The following MSRA variants were observed in gnomAD, a reference collection of about 807,000 sequenced individuals.
MSRA encodes the protein methionine sulfoxide reductase A, also known as mitochondrial peptide methionine sulfoxide reductase.
A neutral mutation model predicts 31.3 loss-of-function variants in MSRA; 54 were observed. The observed-to-expected ratio is 1.73, with a 90% confidence interval of 1.39 to 2.17. The LOEUF (loss-of-function observed/expected upper bound fraction) is 2.17. MSRA is among the 30% of genes most tolerant of loss of function. The probability of loss-of-function intolerance (pLI) is 0.00; values close to 1 mark genes in which losing one functional copy is unlikely to be tolerated. For synonymous variants in MSRA, 169 were observed against 116.5 expected (o/e 1.45, Z -2.90); for missense variants, 507 against 300.9 (o/e 1.69, Z -5.07).
chr8:10,380,789 G>C (rs1258404134), intron 5 of MSRA, among the ~76,000 whole-genome samples: 1 of 151,994 alleles, frequency 6.6e-6, no homozygotes, highest in Admixed American at 6.6e-5. Flanking sequence ...TGGATGAACA[G>C]ACAGATGGGT....
At chr8:10,102,264 G>T (rs946494228) in intron 1 of MSRA, among the ~76,000 whole-genome samples, 1 of 152,126 alleles carries the variant, frequency 6.6e-6, no homozygotes, top group African/African-American at 2.4e-5. Flanking sequence ...AAGACTTGGA[G>T]GATGTGAATA....
At chr8:10,256,528 A>C (rs1056055183) in intron 3 of MSRA, among the ~76,000 whole-genome samples, 1 of 152,314 alleles carries the variant, frequency 6.6e-6, no homozygotes, top group East Asian at 1.9e-4. Context: ...TCTACCAGAG[A>C]GGATTTCTGC....
chr8:10,388,850 C>T (rs1406383505), intron 5 of MSRA, among the ~76,000 whole-genome samples: 4 of 151,622 alleles, frequency 2.6e-5, no homozygotes. Context: ...TAGCTTGCTG[C>T]TTCCCCTGCG....
chr8:10,362,836 C>T (rs1804932733), intron 5 of MSRA, among the ~76,000 whole-genome samples: 1 of 152,188 alleles, frequency 6.6e-6, no homozygotes, highest in Admixed American at 6.5e-5. Flanking sequence ...CCACCGGGAG[C>T]TGCCCCTGAC....
chr8:10,251,864 G>GGT (rs1797934695), intron 3 of MSRA, among the ~76,000 whole-genome samples: 1 of 150,102 alleles, frequency 6.7e-6, no homozygotes, highest in African/African-American at 2.5e-5. Context: ...GACATGGTGG[G>GGT]GGGGGGGGGA....
At chr8:10,176,790 C>A (rs1356355919) in intron 1 of MSRA, among the ~76,000 whole-genome samples, 1 of 152,176 alleles carries the variant, frequency 6.6e-6, no homozygotes, top group East Asian at 1.9e-4. Flanking sequence ...CTAGTCCCCA[C>A]CCAGGGCTCC....
intron 4 of MSRA, among the ~76,000 whole-genome samples, chr8:10,314,671 C>T (rs1459919053): frequency 1.3e-5 from 2 of 152,154 alleles, no homozygotes; most frequent in African/African-American, 4.8e-5. Context: ...AAGAGAAACT[C>T]ATGCATATGT....
intron 3 of MSRA, among the ~76,000 whole-genome samples, chr8:10,278,422 A>C (rs1799439870): frequency 6.6e-6 from 1 of 152,196 alleles, no homozygotes; most frequent in Non-Finnish European, 1.5e-5. Flanking sequence ...ACAACCAAAA[A>C]CACACTTTGG....
At chr8:10,338,836 C>G (rs1273970715) in intron 5 of MSRA, among the ~76,000 whole-genome samples, 1 of 152,142 alleles carries the variant, frequency 6.6e-6, no homozygotes, top group Non-Finnish European at 1.5e-5. Flanking sequence ...GCTAGCAACC[C>G]TTGCCCTGAT....
chr8:10,243,852 A>G (rs1797468364), intron 2 of MSRA, among the ~76,000 whole-genome samples: 2 of 152,192 alleles, frequency 1.3e-5, no homozygotes, highest in African/African-American at 4.8e-5. Flanking sequence ...CCATGTTGCA[A>G]TATTATCACA....
chr8:10,364,884 A>C (rs1805067526), intron 5 of MSRA, among the ~76,000 whole-genome samples: 1 of 152,176 alleles, frequency 6.6e-6, no homozygotes, highest in South Asian at 2.1e-4. Flanking sequence ...TCTTTCCCTA[A>C]ACTGTGAATC....
At chr8:10,114,112 G>A (rs1800499541) in intron 1 of MSRA, among the ~76,000 whole-genome samples, 2 of 152,112 alleles carry the variant, frequency 1.3e-5, no homozygotes, top group South Asian at 2.1e-4. Context: ...TGGTGTTCAT[G>A]GTTCATCTAT....
chr8:10,282,977 C>A (rs1045746702), intron 3 of MSRA, among the ~76,000 whole-genome samples: 1 of 152,096 alleles, frequency 6.6e-6, no homozygotes, highest in African/African-American at 2.4e-5. Flanking sequence ...TTAGAAAATG[C>A]ATAGTGTTGC....
At chr8:10,408,377 A>C (rs574126318) in intron 5 of MSRA, among the ~76,000 whole-genome samples, 10 of 152,154 alleles carry the variant, frequency 6.6e-5, no homozygotes, top group African/African-American at 2.4e-4. Flanking sequence ...TCTCTACCAA[A>C]ATTTTTTTTA....
At chr8:10,211,807 G>C (rs536939117) in intron 2 of MSRA, among the ~76,000 whole-genome samples, 3 of 152,032 alleles carry the variant, frequency 2.0e-5, no homozygotes, top group African/African-American at 4.8e-5. Flanking sequence ...CGTTGGCCAC[G>C]GTCCACTCTG....
chr8:10,287,828 G>A (rs1042661184), intron 3 of MSRA, among the ~76,000 whole-genome samples: 3 of 152,156 alleles, frequency 2.0e-5, no homozygotes, highest in Admixed American at 1.3e-4. Context: ...CCTTTCCTCT[G>A]TAAAGTCGTC....
At chr8:10,130,516 C>T (rs1801820614) in intron 1 of MSRA, among the ~76,000 whole-genome samples, 1 of 152,088 alleles carries the variant, frequency 6.6e-6, no homozygotes, top group South Asian at 2.1e-4. Flanking sequence ...GGATATTTTC[C>T]CCTCCGACAT....
chr8:10,197,389 C>T (rs1170302773), intron 1 of MSRA, among the ~76,000 whole-genome samples: 2 of 152,150 alleles, frequency 1.3e-5, no homozygotes, highest in Non-Finnish European at 2.9e-5. Context: ...TCAGGCTAGT[C>T]TGGTGCTTGC....
At chr8:10,126,687 A>T (rs918451380) in intron 1 of MSRA, among the ~76,000 whole-genome samples, 1 of 151,860 alleles carries the variant, frequency 6.6e-6, no homozygotes, top group Non-Finnish European at 1.5e-5. Context: ...TAATTTTTGT[A>T]TTTTTTAGTA....
Sources: allele counts gnomAD v4.1 joint callset (sites outside exome capture counted in the v4.1 genomes callset), GRCh38; gene constraint gnomAD v4.1.1; transcripts MANE v1.5; gene names NCBI Gene and HGNC (gene_info 2026-07-23, HGNC 2026-07-21).